Variants in DNAH17 observed in about 807,000 individuals in gnomAD.
DNAH17 encodes the protein axonemal beta dynein heavy chain 17.
DNAH17 carries 376 observed loss-of-function variants against 485.6 expected under a neutral mutation model. That is an observed-to-expected ratio of 0.77 (90% confidence interval 0.71 to 0.84). DNAH17 has a LOEUF of 0.84. Among genes scored for constraint, DNAH17 ranks in the 40% least tolerant of loss-of-function variants. The probability of loss-of-function intolerance (pLI) is 0.00; values close to 1 mark genes in which losing one functional copy is unlikely to be tolerated. For synonymous variants in DNAH17, 3,031 were observed against 2,405.9 expected (o/e 1.26, Z -7.60); for missense variants, 6,370 against 5,839.3 (o/e 1.09, Z -2.96).
intron 7 of DNAH17, 45 bp from the exon 8 acceptor site, chr17:78,569,572 T>C (rs2143715609): frequency 1.3e-6 from 2 of 1,574,072 alleles, no homozygotes; most frequent in South Asian, 1.2e-5. Flanking sequence ...GACAAGCCAT[T>C]TGGGGTGACG....
At chr17:78,434,669 G>A (rs2086800370) in intron 74 of DNAH17, among the ~76,000 whole-genome samples, 1 of 151,714 alleles carries the variant, frequency 6.6e-6, no homozygotes, top group South Asian at 2.1e-4. Flanking sequence ...GATAGAGGAT[G>A]GGGGATGGGA....
In DNAH17 at chr17:78,440,477, C is replaced by G. The variant is rs147369219; in HGVS notation, c.11677+574G>C. 4.8e-3 allele frequency among the ~76,000 whole-genome samples: 723 copies of G among 152,086 alleles called. 9 individuals are homozygous for G. Among genetic ancestry groups the G allele is most frequent in the African/African-American group, 0.017 (697 of 41,476 alleles). On this transcript the variant is annotated intron_variant, in intron 72 of 80. Coordinates refer to ENST00000389840, the MANE Select transcript of DNAH17 (RefSeq NM_173628.4). ...GTTTTGCCATGTTGCCAAGGCTGGT[C>G]TTGAACTCCTGTGATCAAGCGATCC...
chr17:78,463,878 T>C (rs1387881065), intron 56 of DNAH17, among the ~76,000 whole-genome samples: 3 of 152,126 alleles, frequency 2.0e-5, no homozygotes, highest in Non-Finnish European at 4.4e-5. Context: ...GGTATATATA[T>C]ATAGTGCTGG....
In DNAH17 at chr17:78,529,689, G is replaced by A. The variant is rs1157496083; in HGVS notation, c.3290C>T (p.Ala1097Val). 3 of 1,613,888 alleles carry A rather than the reference G, an allele frequency of 1.9e-6. No individual in the cohort carries two copies. Among genetic ancestry groups the A allele is most frequent in the East Asian group, 2.2e-5 (1 of 44,874 alleles). The change falls in exon 22 of 81, where the codon GCT becomes GTT. Residue 1097 changes from alanine (A) to valine (V), a missense_variant. Ala to Val is a moderately conservative substitution (Grantham distance 64). Transcript: ENST00000389840. ...GACTTTCATGAAGGCTTCCAGGTCAGCCAGGCTAAGGGACAAGGGGACCAT... is the reference window on the plus strand; with the variant it reads ...GACTTTCATGAAGGCTTCCAGGTCAACCAGGCTAAGGGACAAGGGGACCAT... ...HLSNHVTNSL[A>V]DLEAFMKVAR...
chr17:78,568,355 A>T (rs4969147), intron 9 of DNAH17, among the ~76,000 whole-genome samples: 62,189 of 151,830 alleles, frequency 0.41, 13,182 homozygotes, highest in African/African-American at 0.5. Context: ...GAGGTGTAGA[A>T]GAGAACTGGA....
rs61744544 is a variant in DNAH17, at chr17:78,526,703, C to T, written c.3659G>A (p.Arg1220His). 0.16 allele frequency: 254,237 copies of T among 1,609,628 alleles called. 21,556 individuals carry two copies. The highest frequency in any genetic ancestry group is 0.21 in the Middle Eastern group (1,241 of 6,008). ...KQHEFRERFR[R>H]EAPFSFSDPN... ...GTCGCTGAAGGAGAACGGGGCCTCGCGCCTGAACCTCTCCCTGAACTCATG... is the reference window on the plus strand; with the variant it reads ...GTCGCTGAAGGAGAACGGGGCCTCGTGCCTGAACCTCTCCCTGAACTCATG... Residue 1220 changes from arginine to histidine, a missense_variant, in exon 24 of 81, where the codon CGC becomes CAC. By Grantham distance (29) the Arg-to-His change is conservative (BLOSUM62 0). Coordinates refer to ENST00000389840, the MANE Select transcript of DNAH17 (RefSeq NM_173628.4).
chr17:78,555,760 T>C (rs1772448565), intron 14 of DNAH17, among the ~76,000 whole-genome samples: 2 of 152,052 alleles, frequency 1.3e-5, no homozygotes, highest in African/African-American at 4.8e-5. Flanking sequence ...TTGGAATGGG[T>C]GGGCTCAGGA....
At chr17:78,511,567 G>A (rs1417981155) in intron 26 of DNAH17, among the ~76,000 whole-genome samples, 4 of 152,324 alleles carry the variant, frequency 2.6e-5, no homozygotes, top group South Asian at 2.1e-4. Context: ...CCAGATCACC[G>A]TTAGTCTAGT....
chr17:78,545,518 G>A (rs748300173), intron 16 of DNAH17, among the ~76,000 whole-genome samples: 28 of 152,172 alleles, frequency 1.8e-4, no homozygotes, highest in Non-Finnish European at 1.2e-4. Flanking sequence ...ATGGCGGAGG[G>A]GCAGAGTGAG....
chr17:78,492,525 C>T (rs559244177), intron 42 of DNAH17, 108 bp downstream of exon 42: 1 of 1,489,006 alleles, frequency 6.7e-7, no homozygotes, highest in East Asian at 2.4e-5. Flanking sequence ...CTGTGTGCCC[C>T]ACCCTAGCCT....
chr17:78,551,034 C>A (rs1039742635), intron 16 of DNAH17, among the ~76,000 whole-genome samples: 2 of 152,144 alleles, frequency 1.3e-5, no homozygotes, highest in African/African-American at 4.8e-5. Flanking sequence ...GCCTGGGCAA[C>A]ATGGTGAAAC....
chr17:78,504,894 CTTTTTTTTTTTTT>C (rs66596656), intron 31 of DNAH17, among the ~76,000 whole-genome samples: 5 of 58,934 alleles, frequency 8.5e-5, no homozygotes, highest in South Asian at 9.2e-4. Context: ...ATTAACAGGG[CTTTTTTTTTTTTT>C]TTTTTTTTTT....
chr17:78,531,545 A>G (rs997343716), intron 20 of DNAH17, among the ~76,000 whole-genome samples: 5 of 151,800 alleles, frequency 3.3e-5, no homozygotes, highest in African/African-American at 1.2e-4. Flanking sequence ...TCACCGTGTT[A>G]GCCAGGATGG....
rs1281613437 is a variant in DNAH17, at chr17:78,490,782, G to A, written c.6735C>T (p.Ile2245=). 6.2e-7 allele frequency: 1 copy of A among 1,604,922 alleles called. No homozygotes were observed. Among genetic ancestry groups the A allele is most frequent in the Non-Finnish European group, 8.5e-7 (1 of 1,175,984 alleles). The part of the protein sequence containing the change: ...LNRTMRLVFE[I]SHLRTATPAT... ...CTGGGGTGGCCGTCCTCAGGTGGCT[G>A]ATTTCGAACACCAGCCTCATGGTGC... Residue 2245 remains isoleucine (I), a synonymous_variant, in exon 44 of 81, where the codon ATC becomes ATT. Transcript: ENST00000389840.
chr17:78,532,040 C>T (rs1344570215), intron 20 of DNAH17, among the ~76,000 whole-genome samples: 1 of 152,178 alleles, frequency 6.6e-6, no homozygotes. Context: ...ATGGGGCTCT[C>T]ACAGGGTTTT....
rs2092334480 is a variant in DNAH17, at chr17:78,570,380, G to GA, written c.919-9dup. 8.1e-6 allele frequency: 13 copies of GA among 1,609,320 alleles called. No homozygotes were observed. Among genetic ancestry groups the GA allele is most frequent in the Admixed American group, 1.7e-5 (1 of 59,566 alleles). ...GGCAATGAAGGTGGGGAGCTGGGGG[G>GA]AGACAGGCCCAGGCACACTGGAGGG... On this transcript the variant is annotated splice_polypyrimidine_tract_variant and intron_variant, in intron 6 of 80. Coordinates refer to ENST00000389840, the MANE Select transcript of DNAH17 (RefSeq NM_173628.4).
intron 62 of DNAH17, among the ~76,000 whole-genome samples, chr17:78,457,724 G>A (rs1329179784): frequency 6.9e-5 from 10 of 144,650 alleles, no homozygotes; most frequent in Non-Finnish European, 1.0e-4. Flanking sequence ...ACAATGGCGC[G>A]ATCTCGGCTC....
intron 1 of DNAH17, among the ~76,000 whole-genome samples, chr17:78,575,637 C>A (rs2092423339): frequency 6.6e-6 from 1 of 152,118 alleles, no homozygotes; most frequent in South Asian, 2.1e-4. Flanking sequence ...CCCTCCAGCC[C>A]CCAGCGTGCA....
chr17:78,485,842 C>T (rs2089583017), intron 46 of DNAH17, 85 bp from the exon 47 acceptor site: 1 of 1,576,280 alleles, frequency 6.3e-7, no homozygotes, highest in Non-Finnish European at 8.7e-7. Context: ...TTCTACCGAA[C>T]AGGTCCTAAT....
Sources: gnomAD v4.1 joint callset for allele counts (sites outside exome capture counted in the v4.1 genomes callset) on GRCh38, gnomAD v4.1.1 for gene constraint, MANE v1.5 for transcripts, NCBI Gene and HGNC (gene_info 2026-07-23, HGNC 2026-07-21) for gene names.